XKR4: variants seen among roughly 807,000 people sequenced by gnomAD.
XKR4 encodes the protein XK-related protein 4.
Under a neutral mutation model 53.9 loss-of-function variants are expected in XKR4, and 12 were observed. That is an observed-to-expected ratio of 0.22 (90% CI 0.14 to 0.36). XKR4 has a LOEUF of 0.36. Ranked by LOEUF, XKR4 falls within the 10% of genes least tolerant of loss-of-function variation. The pLI is 1.00. For synonymous variants in XKR4, 354 were observed against 362.4 expected, an observed-to-expected ratio of 0.98 and a Z score of 0.26; for missense variants, 799 against 859.5, an observed-to-expected ratio of 0.93 and a Z score of 0.88.
At chr8:55,111,741 T>C (rs1480762) in intron 1 of XKR4, among the ~76,000 whole-genome samples, 129,137 of 152,212 alleles carry the variant, frequency 0.85, 54,890 homozygotes, top group East Asian at 0.93. Flanking sequence ...GAGGTATGCA[T>C]AGCTGGAGTG....
chr8:55,406,366 A>C (rs555061127), intron 2 of XKR4, among the ~76,000 whole-genome samples: 3 of 152,208 alleles, frequency 2.0e-5, no homozygotes, highest in Admixed American at 6.5e-5. Context: ...CTACACTCAA[A>C]GCACCTTATT....
At chr8:55,237,115 T>A (rs767196432) in intron 1 of XKR4, among the ~76,000 whole-genome samples, 4 of 152,206 alleles carry the variant, frequency 2.6e-5, no homozygotes, top group Non-Finnish European at 4.4e-5. Flanking sequence ...CTCCTCTGAG[T>A]CCACATAACT....
intron 1 of XKR4, among the ~76,000 whole-genome samples, chr8:55,303,770 C>G (rs1180401803): frequency 6.6e-6 from 1 of 152,200 alleles, no homozygotes; most frequent in African/African-American, 2.4e-5. Context: ...TCTAGATTTT[C>G]TAGTTTATTT....
chr8:55,357,754 A>G lies in XKR4; in HGVS notation c.883A>G (p.Met295Val). ...TGACAGATGGAGGTTTTACTGGAAA[A>G]TGGTATATGAGTATGCGGATGTGAG... ...ENDRWRFYWK[M>V]VYEYADVSML... is the part of the protein sequence containing the mutation. The change falls in exon 2 of 3, where the codon ATG becomes GTG. Residue 295 changes from methionine (M) to valine (V), a missense_variant. Met to Val is a conservative substitution (Grantham distance 21, BLOSUM62 1). Around this residue, in one of 3 missense-constraint regions of XKR4, gnomAD observed 476 missense variants for 505.4 expected, o/e 0.94. Transcript: ENST00000327381. The G allele has an allele frequency of 6.2e-7, 1 of 1,614,194 alleles. No homozygotes were observed. Among genetic ancestry groups the G allele is most frequent in the South Asian group, 1.1e-5 (1 of 91,086 alleles).
Position 55,530,110 on chromosome 8 carries a change from AAAG to A in XKR4, c.*5886_*5888del. 1 of 151,886 alleles carries A rather than the reference AAAG, an allele frequency of 6.6e-6. No individual in the cohort carries two copies. The highest frequency in any genetic ancestry group is 1.9e-4 in the East Asian group (1 of 5,158). 9.4% of individuals were successfully genotyped at this position (151,886 alleles called of 1,614,324 possible). ...ATTTTGACAAGATAGAGAGAGAGGA[AAAG>A]AAAGAGGGAGGGAGAGAGGGAGGGA... is the stretch of plus-strand genomic sequence containing the variant. On this transcript the variant is annotated 3_prime_UTR_variant, in exon 3 of 3. Transcript: ENST00000327381.
intron 2 of XKR4, among the ~76,000 whole-genome samples, chr8:55,430,303 T>C (rs529095376): frequency 9.2e-5 from 14 of 152,286 alleles, no homozygotes; most frequent in African/African-American, 2.9e-4. Flanking sequence ...TCCTGGACAC[T>C]TATGCTAGAG....
intron 2 of XKR4, among the ~76,000 whole-genome samples, chr8:55,472,368 T>C (rs1302386989): frequency 6.6e-6 from 1 of 152,128 alleles, no homozygotes; most frequent in Non-Finnish European, 1.5e-5. Context: ...CATTTCAAAA[T>C]GCAAATTCAG....
chr8:55,254,327 T>C (rs866983768), intron 1 of XKR4, among the ~76,000 whole-genome samples: 1 of 152,100 alleles, frequency 6.6e-6, no homozygotes, highest in Non-Finnish European at 1.5e-5. Context: ...ACTGTAACTG[T>C]TTGTTCCAAG....
At chr8:55,388,222 C>T (rs1319754094) in intron 2 of XKR4, among the ~76,000 whole-genome samples, 1 of 152,074 alleles carries the variant, frequency 6.6e-6, no homozygotes, top group African/African-American at 2.4e-5. Context: ...TTAATATTAA[C>T]CAATTTGTTG....
intron 1 of XKR4, among the ~76,000 whole-genome samples, chr8:55,191,091 C>A (rs1314747852): frequency 6.6e-6 from 1 of 152,146 alleles, no homozygotes; most frequent in Non-Finnish European, 1.5e-5. Context: ...TGTGGAAAAA[C>A]TCCCTTCTGT....
At chr8:55,317,310 G>T (rs577961628) in intron 1 of XKR4, among the ~76,000 whole-genome samples, 1 of 152,138 alleles carries the variant, frequency 6.6e-6, no homozygotes, top group South Asian at 2.1e-4. Flanking sequence ...TAATGTCCCC[G>T]AAATGATTGA....
At chr8:55,304,218 CA>C (rs1461417698) in intron 1 of XKR4, among the ~76,000 whole-genome samples, 1 of 152,160 alleles carries the variant, frequency 6.6e-6, no homozygotes, top group Non-Finnish European at 1.5e-5. Context: ...TCATTGGTTT[CA>C]AAGAACATCG....
At chr8:55,319,860 A>C (rs113502323) in intron 1 of XKR4, among the ~76,000 whole-genome samples, 6 of 152,312 alleles carry the variant, frequency 3.9e-5, no homozygotes, top group African/African-American at 1.4e-4. Context: ...GTAGAAATGA[A>C]ATTCATGTGC....
rs144622902 is a variant in XKR4 at position 55,524,175 on chromosome 8, A to T, written c.1901A>T (p.Tyr634Phe). Residue 634 changes from tyrosine (Y) to phenylalanine (F), a missense_variant, in exon 3 of 3, where the codon TAC becomes TTC. Transcript: ENST00000327381. ...ECSPSPPRLQ[Y>F]KDDALIQERL... ...TCCCCATCTCCTCCAAGGCTGCAGT[A>T]CAAAGATGATGCCCTTATTCAGGAG... 1 of 1,614,250 alleles carries T rather than the reference A, an allele frequency of 6.2e-7. No homozygotes were observed. Among genetic ancestry groups the T allele is most frequent in the Non-Finnish European group, 8.5e-7 (1 of 1,180,030 alleles).
At position 55,535,220 on chromosome 8, in the gene XKR4, T is replaced by TC. The variant is rs1285131511; in HGVS notation, c.*10993_*10994insC. ...ACCACCATGTGACTTATTTTCTTTTTTTTTTTAATTTTATTATTATTATAC... is the reference window on the plus strand; with the variant it reads ...ACCACCATGTGACTTATTTTCTTTTTCTTTTTTAATTTTATTATTATTATAC... On this transcript the variant is annotated 3_prime_UTR_variant, in exon 3 of 3. Transcript: ENST00000327381. The TC allele has an allele frequency of 6.6e-6, 1 of 151,830 alleles. No individual in the cohort carries two copies. The highest frequency in any genetic ancestry group is 1.5e-5 in the Non-Finnish European group (1 of 67,946). The allele number at this position is 151,830 out of a possible 1,614,324, so 9.4% of individuals were successfully genotyped here.
At chr8:55,361,356 G>A (rs1334054336) in intron 2 of XKR4, among the ~76,000 whole-genome samples, 2 of 152,136 alleles carry the variant, frequency 1.3e-5, no homozygotes, top group African/African-American at 4.8e-5. Context: ...CCACTCGACC[G>A]CGGAGATGGA....
chr8:55,453,642 G>A (rs1277828930), intron 2 of XKR4: 6 of 423,338 alleles, frequency 1.4e-5, no homozygotes, highest in South Asian at 9.6e-5. Context: ...ACGATCCACT[G>A]CATGGCGCCC....
chr8:55,170,706 C>G (rs1817145472), intron 1 of XKR4, among the ~76,000 whole-genome samples: 1 of 152,186 alleles, frequency 6.6e-6, no homozygotes, highest in South Asian at 2.1e-4. Flanking sequence ...CCATTTTAAC[C>G]TGGCAGGCAT....
At chr8:55,332,355 AT>A (rs946750824) in intron 1 of XKR4, among the ~76,000 whole-genome samples, 7 of 152,084 alleles carry the variant, frequency 4.6e-5, no homozygotes, top group Admixed American at 4.6e-4. Flanking sequence ...ACAAATTATA[AT>A]TTTTTTATAT....
Sources: gnomAD v4.1 joint callset for allele counts (sites outside exome capture counted in the v4.1 genomes callset) on GRCh38, gnomAD v4.1.1 for gene constraint, gnomAD v4.1.1 regional missense constraint, MANE v1.5 for transcripts, NCBI Gene and HGNC (gene_info 2026-07-23, HGNC 2026-07-21) for gene names.